CTNNA3: variants seen among roughly 807,000 people sequenced by gnomAD.
CTNNA3 encodes the protein catenin alpha 3.
Under a neutral mutation model 95.7 loss-of-function variants are expected in CTNNA3, and 76 were observed. The ratio of observed to expected loss-of-function variants is 0.79; its 90% confidence interval spans 0.66 to 0.96. CTNNA3 has a LOEUF of 0.96. CTNNA3 is among the 40% of genes least tolerant of loss of function. CTNNA3 has a pLI of 0.00. For synonymous variants in CTNNA3, 431 were observed against 374.4 expected, an observed-to-expected ratio of 1.15 and a Z score of -1.74; for missense variants, 1,191 against 1,089.8, an observed-to-expected ratio of 1.09 and a Z score of -1.31.
chr10:67,079,141 C>A (rs1207814658), intron 7 of CTNNA3, among the ~76,000 whole-genome samples: 2 of 152,192 alleles, frequency 1.3e-5, no homozygotes, highest in African/African-American at 4.8e-5. Flanking sequence ...GATTTGCATT[C>A]CCCTTTTGGT....
intron 13 of CTNNA3, among the ~76,000 whole-genome samples, chr10:66,166,464 A>G (rs990988665): frequency 6.8e-6 from 1 of 147,026 alleles, no homozygotes; most frequent in African/African-American, 2.5e-5. Context: ...ACTGCACTGC[A>G]CTCCATCCTG....
rs557987093 is a variant in CTNNA3, at chr10:66,030,379, A to C, written c.2159+38929T>G. Among the ~76,000 whole-genome samples the C allele has an allele frequency of 1.9e-4, 29 of 152,184 alleles. No homozygotes were observed. The South Asian group carries it at 5.8e-3, about 30-fold the overall frequency. On this transcript the variant is annotated intron_variant, in intron 15 of 17. Transcript: ENST00000433211. ...GTACAAAAACAGACACAATTGAAACAATAGAGAAGCCAGAAATAAAGGTGA... is the reference window on the plus strand; with the variant it reads ...GTACAAAAACAGACACAATTGAAACCATAGAGAAGCCAGAAATAAAGGTGA...
chr10:66,150,757 T>C (rs2133904714), intron 13 of CTNNA3, among the ~76,000 whole-genome samples: 1 of 152,140 alleles, frequency 6.6e-6, no homozygotes, highest in Middle Eastern at 3.4e-3. Flanking sequence ...TATCATTCCA[T>C]TTATTTTTAT....
intron 12 of CTNNA3, among the ~76,000 whole-genome samples, chr10:66,292,636 G>A (rs1245599231): frequency 6.6e-6 from 1 of 152,076 alleles, no homozygotes; most frequent in Non-Finnish European, 1.5e-5. Flanking sequence ...AAGTTAAGAG[G>A]ATTAATAAGG....
intron 9 of CTNNA3, among the ~76,000 whole-genome samples, chr10:66,679,792 T>C (rs1847000417): frequency 1.3e-5 from 2 of 152,182 alleles, no homozygotes; most frequent in Non-Finnish European, 2.9e-5. Context: ...AACTACTTGA[T>C]ACCATTTACT....
intron 9 of CTNNA3, among the ~76,000 whole-genome samples, chr10:66,685,291 ATATGTGTG>A: frequency 1.4e-5 from 1 of 70,620 alleles, no homozygotes; most frequent in African/African-American, 8.1e-5. Context: ...ATAAGTATAT[ATATGTGTG>A]TATATATATG....
chr10:67,545,337 G>A (rs771967890), intron 3 of CTNNA3, among the ~76,000 whole-genome samples: 1 of 151,918 alleles, frequency 6.6e-6, no homozygotes, highest in Non-Finnish European at 1.5e-5. Flanking sequence ...CATATTAATG[G>A]TATCTCCTTT....
intron 13 of CTNNA3, among the ~76,000 whole-genome samples, chr10:66,225,295 T>C (rs2089217336): frequency 6.6e-6 from 1 of 151,194 alleles, no homozygotes; most frequent in African/African-American, 2.4e-5. Context: ...ATATGTGATA[T>C]TAATCTTTCT....
intron 5 of CTNNA3, among the ~76,000 whole-genome samples, chr10:67,266,921 A>G (rs1479572050): frequency 6.6e-6 from 1 of 152,232 alleles, no homozygotes; most frequent in Admixed American, 6.5e-5. Flanking sequence ...ATTCTATGCT[A>G]TAAATGTAAT....
intron 11 of CTNNA3, among the ~76,000 whole-genome samples, chr10:66,392,508 T>A (rs2092942293): frequency 6.6e-6 from 1 of 152,064 alleles, no homozygotes; most frequent in Non-Finnish European, 1.5e-5. Context: ...GATGCACGAC[T>A]GGTATCAAGG....
intron 1 of CTNNA3, among the ~76,000 whole-genome samples, chr10:67,669,038 CT>C (rs1489273778): frequency 6.6e-6 from 1 of 152,010 alleles, no homozygotes; most frequent in Non-Finnish European, 1.5e-5. Flanking sequence ...TGGGGTTTCA[CT>C]ATGTTGGCCA....
At chr10:67,525,363 A>G (rs985677864) in intron 4 of CTNNA3, among the ~76,000 whole-genome samples, 2 of 152,198 alleles carry the variant, frequency 1.3e-5, no homozygotes, top group Admixed American at 1.3e-4. Context: ...CTCAGAAATA[A>G]TAATAGTAAT....
In CTNNA3 at chr10:66,766,253, A is replaced by G. The variant is rs1437397753; in HGVS notation, c.1281+11T>C. ...CTGGACTTTAGTGAGTTACAGTTCT[A>G]GCATGCTTACCTCTACAAGCCTGCT... On this transcript the variant is annotated intron_variant, in intron 9 of 17. Transcript: ENST00000433211. 1.2e-6 allele frequency: 2 copies of G among 1,612,766 alleles called. No homozygotes were observed. Among genetic ancestry groups the G allele is most frequent in the Admixed American group, 1.7e-5 (1 of 59,992 alleles).
chr10:67,242,138 C>T (rs887856772), intron 5 of CTNNA3, among the ~76,000 whole-genome samples: 2 of 152,172 alleles, frequency 1.3e-5, no homozygotes, highest in African/African-American at 2.4e-5. Flanking sequence ...ACTAATACAA[C>T]TAAGTTAGAA....
intron 10 of CTNNA3, among the ~76,000 whole-genome samples, chr10:66,589,443 A>G (rs1843472849): frequency 6.6e-6 from 1 of 152,138 alleles, no homozygotes; most frequent in African/African-American, 2.4e-5. Context: ...TGAAATAGAC[A>G]TGAGAAAAAC....
intron 7 of CTNNA3, among the ~76,000 whole-genome samples, chr10:67,068,808 C>T (rs1163355258): frequency 2.0e-5 from 3 of 152,138 alleles, no homozygotes; most frequent in Non-Finnish European, 4.4e-5. Context: ...GCCTGTAATC[C>T]CAGCACTTTG....
At chr10:67,719,194 GTTC>G (rs1212508682) in intron 1 of CTNNA3, among the ~76,000 whole-genome samples, 5 of 151,092 alleles carry the variant, frequency 3.3e-5, no homozygotes, top group Non-Finnish European at 1.5e-5. Context: ...TCTTCTCTCT[GTTC>G]TTCTTTATTA....
intron 7 of CTNNA3, among the ~76,000 whole-genome samples, chr10:67,115,360 G>A (rs1859124359): frequency 6.6e-6 from 1 of 151,836 alleles, no homozygotes; most frequent in Non-Finnish European, 1.5e-5. Flanking sequence ...AGGGGCGAGG[G>A]ATACCATTAG....
At chr10:66,870,561 A>G (rs1844356700) in intron 7 of CTNNA3, among the ~76,000 whole-genome samples, 1 of 152,196 alleles carries the variant, frequency 6.6e-6, no homozygotes, top group South Asian at 2.1e-4. Flanking sequence ...CTGTGAACAA[A>G]TTTCATATTC....
Sources: allele counts gnomAD v4.1 joint callset (sites outside exome capture counted in the v4.1 genomes callset), GRCh38; gene constraint gnomAD v4.1.1; transcripts MANE v1.5; gene names NCBI Gene and HGNC (gene_info 2026-07-23, HGNC 2026-07-21).